The following SGCZ variants were observed in gnomAD, a reference collection of about 807,000 sequenced individuals.
SGCZ encodes sarcoglycan zeta, also known as zeta-sarcoglycan.
Under a neutral mutation model 41.3 loss-of-function variants are expected in SGCZ, and 40 were observed. That is an observed-to-expected ratio of 0.97 (90% CI 0.75 to 1.26). SGCZ has a LOEUF of 1.26. Ranked by LOEUF, SGCZ falls within the 50% of genes most tolerant of loss-of-function variation. The probability of loss-of-function intolerance (pLI) is 0.00; values close to 1 mark genes in which losing one functional copy is unlikely to be tolerated. For synonymous variants in SGCZ, 206 were observed against 137.5 expected (o/e 1.50, Z -3.49); for missense variants, 552 against 369.8 (o/e 1.49, Z -4.04).
intron 2 of SGCZ, among the ~76,000 whole-genome samples, chr8:14,357,698 A>G (rs1490141846): frequency 2.0e-5 from 3 of 152,204 alleles, no homozygotes; most frequent in Admixed American, 6.5e-5. Context: ...TATATGTATT[A>G]TCTTATTCAA....
chr8:14,959,704 G>A (rs775551294), intron 1 of SGCZ, among the ~76,000 whole-genome samples: 1 of 152,048 alleles, frequency 6.6e-6, no homozygotes, highest in Non-Finnish European at 1.5e-5. Context: ...CTGTTCTTAA[G>A]TTACTTTTTA....
chr8:14,403,501 G>A (rs1329658854), intron 2 of SGCZ, among the ~76,000 whole-genome samples: 1 of 151,906 alleles, frequency 6.6e-6, no homozygotes, highest in Admixed American at 6.6e-5. Context: ...TAGCATGAAG[G>A]TTGTTGAATT....
At chr8:15,216,142 G>T (rs954795667) in intron 1 of SGCZ, among the ~76,000 whole-genome samples, 9 of 151,854 alleles carry the variant, frequency 5.9e-5, no homozygotes, top group Admixed American at 5.9e-4. Context: ...ATTCTCTGGG[G>T]ATATGGTTGA....
intron 5 of SGCZ, among the ~76,000 whole-genome samples, chr8:14,124,306 T>A (rs905106364): frequency 2.0e-5 from 3 of 152,308 alleles, no homozygotes; most frequent in African/African-American, 7.2e-5. Context: ...TCTCCCTTTT[T>A]ACCTTTACTG....
chr8:14,786,344 AATTAGT>A (rs1192989523), intron 1 of SGCZ, among the ~76,000 whole-genome samples: 1 of 152,176 alleles, frequency 6.6e-6, no homozygotes, highest in Non-Finnish European at 1.5e-5. Context: ...TACTCTGAGG[AATTAGT>A]ATGTCCTGTA....
At chr8:15,011,286 T>C (rs1299018186) in intron 1 of SGCZ, among the ~76,000 whole-genome samples, 2 of 152,268 alleles carry the variant, frequency 1.3e-5, no homozygotes, top group East Asian at 3.9e-4. Context: ...GAGGTATGTG[T>C]CTGTTATTTA....
intron 2 of SGCZ, among the ~76,000 whole-genome samples, chr8:14,382,625 T>C (rs549051346): frequency 3.2e-4 from 48 of 152,182 alleles, no homozygotes; most frequent in African/African-American, 1.1e-3. Flanking sequence ...ATATTTGAGA[T>C]TGAGGGTTAA....
intron 1 of SGCZ, among the ~76,000 whole-genome samples, chr8:14,963,477 T>A (rs1040179978): frequency 6.6e-6 from 1 of 152,126 alleles, no homozygotes; most frequent in Admixed American, 6.5e-5. Flanking sequence ...TAGCGGGAAT[T>A]ACAGGCGTGT....
At chr8:14,813,423 T>A (rs1801795661) in intron 1 of SGCZ, among the ~76,000 whole-genome samples, 1 of 152,182 alleles carries the variant, frequency 6.6e-6, no homozygotes, top group African/African-American at 2.4e-5. Context: ...GCAGGTTAAC[T>A]CATTATAGCT....
chr8:14,370,738 C>G (rs1803880104), intron 2 of SGCZ, among the ~76,000 whole-genome samples: 1 of 151,634 alleles, frequency 6.6e-6, no homozygotes, highest in Admixed American at 6.6e-5. Context: ...AATGAGTAAG[C>G]AGGATCTAGC....
At chr8:14,470,669 T>C (rs181469583) in intron 2 of SGCZ, among the ~76,000 whole-genome samples, 1 of 152,136 alleles carries the variant, frequency 6.6e-6, no homozygotes, top group South Asian at 2.1e-4. Context: ...CGGTTGGAGA[T>C]AATCAGTAAT....
intron 1 of SGCZ, among the ~76,000 whole-genome samples, chr8:14,582,827 A>G (rs1386917197): frequency 6.6e-6 from 1 of 151,588 alleles, no homozygotes; most frequent in African/African-American, 2.4e-5. Context: ...GTCCCTACAA[A>G]GGACATGAAC....
chr8:15,089,279 T>C (rs1354009072), intron 1 of SGCZ, among the ~76,000 whole-genome samples: 1 of 152,174 alleles, frequency 6.6e-6, no homozygotes, highest in African/African-American at 2.4e-5. Context: ...ATTGCTATTA[T>C]ATTAAGTAGA....
chr8:14,524,219 T>G (rs1367106347), intron 2 of SGCZ, among the ~76,000 whole-genome samples: 4 of 136,960 alleles, frequency 2.9e-5, no homozygotes, highest in African/African-American at 1.1e-4. Context: ...TCTGTTTTAG[T>G]TTTTTTTTTT....
chr8:14,300,263 A>G (rs545109047), intron 3 of SGCZ, among the ~76,000 whole-genome samples: 8 of 151,848 alleles, frequency 5.3e-5, no homozygotes, highest in Admixed American at 3.3e-4. Flanking sequence ...AGGAAGGAAA[A>G]AAGAAGGAAG....
At chr8:14,444,703 C>A (rs1438273358) in intron 2 of SGCZ, among the ~76,000 whole-genome samples, 1 of 151,484 alleles carries the variant, frequency 6.6e-6, no homozygotes, top group East Asian at 1.9e-4. Flanking sequence ...AGGAGATATA[C>A]CTAATGCTAA....
In SGCZ at chr8:14,472,431, G is replaced by A. The variant is rs115765786; in HGVS notation, c.234+82301C>T. Reference sequence around the variant, plus strand: ...TGTCTTTGAGTCTGAATAGTGGTGAGTTGATGAACTCAAGGCTTGATATTT... The same window carrying A: ...TGTCTTTGAGTCTGAATAGTGGTGAATTGATGAACTCAAGGCTTGATATTT... On this transcript the variant is annotated intron_variant, in intron 2 of 7. Coordinates refer to ENST00000382080, the MANE Select transcript of SGCZ (RefSeq NM_139167.4). Among the ~76,000 whole-genome samples the A allele has an allele frequency of 4.4e-3, 664 of 152,168 alleles. 7 individuals carry two copies. The highest frequency in any genetic ancestry group is 0.015 in the African/African-American group (610 of 41,542).
chr8:14,614,428 T>C (rs1357729070), intron 1 of SGCZ, among the ~76,000 whole-genome samples: 1 of 152,220 alleles, frequency 6.6e-6, no homozygotes, highest in African/African-American at 2.4e-5. Flanking sequence ...AACAAAGTTC[T>C]GTATATGCAT....
chr8:14,280,934 T>A (rs1800409475), intron 3 of SGCZ, among the ~76,000 whole-genome samples: 1 of 86,872 alleles, frequency 1.2e-5, no homozygotes, highest in Admixed American at 1.3e-4. Flanking sequence ...AACTACCGGG[T>A]GAATAAAAGT....
Sources: allele counts gnomAD v4.1 joint callset (sites outside exome capture counted in the v4.1 genomes callset), GRCh38; gene constraint gnomAD v4.1.1; transcripts MANE v1.5; gene names NCBI Gene and HGNC (gene_info 2026-07-23, HGNC 2026-07-21).